The following IMMP2L variants were observed in gnomAD, a reference collection of about 807,000 sequenced individuals.
The protein encoded by IMMP2L is inner mitochondrial membrane peptidase subunit 2.
A neutral mutation model predicts 19.3 loss-of-function variants in IMMP2L; 18 were observed. The ratio of observed to expected loss-of-function variants is 0.93; its 90% CI spans 0.64 to 1.38. The LOEUF (loss-of-function observed/expected upper bound fraction) is 1.38, where lower values mean the gene tolerates loss of function less well. Ranked by LOEUF, IMMP2L falls within the 40% of genes most tolerant of loss-of-function variation. The pLI is 0.00. For missense variants in IMMP2L, 233 were observed against 218.2 expected, an observed-to-expected ratio of 1.07 and a Z score of -0.43; for synonymous variants, 76 against 73.0, an observed-to-expected ratio of 1.04 and a Z score of -0.21.
intron 5 of IMMP2L, among the ~76,000 whole-genome samples, chr7:110,667,623 G>A (rs578040907): frequency 1.3e-5 from 2 of 152,310 alleles, no homozygotes; most frequent in African/African-American, 2.4e-5. Flanking sequence ...AAAGGACCAT[G>A]AGCCAAGGAA....
intron 3 of IMMP2L, among the ~76,000 whole-genome samples, chr7:111,266,196 G>A (rs1326428960): frequency 1.3e-5 from 2 of 152,102 alleles, no homozygotes; most frequent in East Asian, 3.8e-4. Flanking sequence ...TTCACTAAAT[G>A]CATAAACACA....
chr7:110,745,450 G>A (rs955043339), intron 5 of IMMP2L, among the ~76,000 whole-genome samples: 1 of 151,876 alleles, frequency 6.6e-6, no homozygotes, highest in Non-Finnish European at 1.5e-5. Flanking sequence ...ACATAATTGT[G>A]AGATTCACCA....
intron 3 of IMMP2L, among the ~76,000 whole-genome samples, chr7:110,968,920 G>C (rs1322546934): frequency 1.3e-5 from 2 of 151,928 alleles, no homozygotes; most frequent in Non-Finnish European, 2.9e-5. Context: ...TCAATTAACT[G>C]GGCCTAAGAC....
intron 3 of IMMP2L, among the ~76,000 whole-genome samples, chr7:111,143,878 C>T (rs1438684548): frequency 6.6e-6 from 1 of 152,062 alleles, no homozygotes; most frequent in Admixed American, 6.6e-5. Context: ...TTCAAAGTAG[C>T]CCATATGCAC....
At chr7:111,140,631 T>A (rs1343439658) in intron 3 of IMMP2L, among the ~76,000 whole-genome samples, 1 of 152,228 alleles carries the variant, frequency 6.6e-6, no homozygotes, top group Non-Finnish European at 1.5e-5. Flanking sequence ...CAAGCCATTT[T>A]GGCCAGATGG....
chr7:111,436,539 A>C lies in IMMP2L; in HGVS notation c.239+50699T>G, dbSNP rs542694044. Reference sequence around the variant, plus strand: ...CACACACATACACACACACACACACACCCCACACATATATGAATACTTTTT... The same window carrying C: ...CACACACATACACACACACACACACCCCCCACACATATATGAATACTTTTT... On this transcript the variant is annotated intron_variant, in intron 3 of 5. Coordinates refer to ENST00000405709, the MANE Select transcript of IMMP2L (RefSeq NM_032549.4). 3.0e-3 allele frequency among the ~76,000 whole-genome samples: 453 copies of C among 151,462 alleles called. 13 individuals are homozygous for C. The highest frequency in any genetic ancestry group is 9.3e-3 in the African/African-American group (384 of 41,070).
chr7:111,029,990 T>C (rs4141112), intron 3 of IMMP2L, among the ~76,000 whole-genome samples: 69,733 of 151,986 alleles, frequency 0.46, 17,660 homozygotes, highest in Non-Finnish European at 0.58. Flanking sequence ...TCACAAATCA[T>C]AGAATCCCAA....
intron 5 of IMMP2L, among the ~76,000 whole-genome samples, chr7:110,694,663 G>T (rs984039302): frequency 6.6e-6 from 1 of 152,012 alleles, no homozygotes; most frequent in Non-Finnish European, 1.5e-5. Flanking sequence ...GAGATAGAGC[G>T]AATTTGGTGG....
intron 5 of IMMP2L, among the ~76,000 whole-genome samples, chr7:110,751,466 GAGGAAATA>G (rs1303898520): frequency 6.6e-6 from 1 of 151,948 alleles, no homozygotes; most frequent in Non-Finnish European, 1.5e-5. Context: ...AAGAGGCCTT[GAGGAAATA>G]AGATGAAACA....
At chr7:110,745,905 TAACCTTA>T (rs1470622249) in intron 5 of IMMP2L, among the ~76,000 whole-genome samples, 3 of 152,090 alleles carry the variant, frequency 2.0e-5, no homozygotes, top group Non-Finnish European at 4.4e-5. Context: ...ATAACAATAT[TAACCTTA>T]AATGTAAATG....
intron 3 of IMMP2L, among the ~76,000 whole-genome samples, chr7:111,362,675 C>T (rs960783234): frequency 6.6e-6 from 1 of 152,052 alleles, no homozygotes; most frequent in African/African-American, 2.4e-5. Context: ...GAATTAGAAA[C>T]CATATGAGTT....
intron 3 of IMMP2L, among the ~76,000 whole-genome samples, chr7:111,389,941 T>C (rs1832171950): frequency 1.3e-5 from 2 of 152,152 alleles, no homozygotes; most frequent in Admixed American, 1.3e-4. Flanking sequence ...CTGTAAAATG[T>C]TAATTCTCAC....
chr7:111,165,376 T>C (rs992232795), intron 3 of IMMP2L, among the ~76,000 whole-genome samples: 1 of 152,060 alleles, frequency 6.6e-6, no homozygotes, highest in African/African-American at 2.4e-5. Context: ...TAACATGCTA[T>C]AAATGTGAGT....
intron 5 of IMMP2L, among the ~76,000 whole-genome samples, chr7:110,826,596 C>A (rs961902514): frequency 6.6e-6 from 1 of 151,936 alleles, no homozygotes; most frequent in Non-Finnish European, 1.5e-5. Flanking sequence ...GACAGAAAAC[C>A]AAACACCGCA....
intron 3 of IMMP2L, among the ~76,000 whole-genome samples, chr7:111,095,289 G>A (rs182702471): frequency 7.2e-4 from 110 of 151,982 alleles, no homozygotes; most frequent in African/African-American, 2.5e-3. Flanking sequence ...ATTATACTTT[G>A]TATTCACCCA....
chr7:111,020,187 C>T (rs1193406923), intron 3 of IMMP2L, among the ~76,000 whole-genome samples: 1 of 151,164 alleles, frequency 6.6e-6, no homozygotes, highest in African/African-American at 2.4e-5. Context: ...AGTTCGAGAC[C>T]AGCCTGGACA....
intron 3 of IMMP2L, among the ~76,000 whole-genome samples, chr7:111,428,978 T>C (rs1018384022): frequency 2.0e-5 from 3 of 151,956 alleles, no homozygotes; most frequent in Middle Eastern, 3.4e-3. Flanking sequence ...AAAACGCGAA[T>C]GAAGGCTAGA....
chr7:111,197,419 C>T (rs372470945), intron 3 of IMMP2L, among the ~76,000 whole-genome samples: 3 of 152,142 alleles, frequency 2.0e-5, no homozygotes, highest in East Asian at 3.9e-4. Flanking sequence ...GCTGAGATCA[C>T]GCCACGGTGC....
At chr7:111,053,632 T>G (rs938003365) in intron 3 of IMMP2L, among the ~76,000 whole-genome samples, 8 of 152,142 alleles carry the variant, frequency 5.3e-5, no homozygotes, top group African/African-American at 1.9e-4. Flanking sequence ...TTCCTGGTGG[T>G]GGGGGCTGAG....
Sources: allele counts gnomAD v4.1 joint callset (sites outside exome capture counted in the v4.1 genomes callset), GRCh38; gene constraint gnomAD v4.1.1; transcripts MANE v1.5; gene names NCBI Gene and HGNC (gene_info 2026-07-23, HGNC 2026-07-21).